Variants in ROBO2 observed in about 807,000 individuals in gnomAD.
ROBO2 encodes roundabout homolog 2.
ROBO2 carries 53 observed loss-of-function variants against 160.8 expected under a neutral mutation model. The observed-to-expected ratio is 0.33, with a 90% CI of 0.26 to 0.41. ROBO2 has a LOEUF of 0.41. Among genes scored for constraint, ROBO2 ranks in the 10% least tolerant of loss-of-function variants. ROBO2 has a pLI of 1.00. For synonymous variants in ROBO2, 664 were observed against 611.7 expected (o/e 1.09, Z -1.26); for missense variants, 1,577 against 1,722.4 (o/e 0.92, Z 1.49).
intron 16 of ROBO2, among the ~76,000 whole-genome samples, chr3:77,585,947 A>T (rs997258798): frequency 6.6e-6 from 1 of 152,090 alleles, no homozygotes; most frequent in Non-Finnish European, 1.5e-5. Flanking sequence ...ATGTATTGGC[A>T]TTTGATGTAA....
At chr3:77,521,530 A>G (rs1157347159) in intron 5 of ROBO2, among the ~76,000 whole-genome samples, 1 of 151,270 alleles carries the variant, frequency 6.6e-6, no homozygotes, top group Non-Finnish European at 1.5e-5. Context: ...AGTAGTGGAT[A>G]AGTTTTTTCC....
chr3:76,623,881 A>C (rs2089416828), intron 2 of ROBO2, among the ~76,000 whole-genome samples: 1 of 152,090 alleles, frequency 6.6e-6, no homozygotes, highest in African/African-American at 2.4e-5. Context: ...GGGTGACAAA[A>C]TTTTTGCTCT....
chr3:75,909,090 T>C (rs899736352), intron 1 of ROBO2, among the ~76,000 whole-genome samples: 4 of 152,244 alleles, frequency 2.6e-5, no homozygotes, highest in African/African-American at 9.6e-5. Context: ...AATGCTCTTA[T>C]ATTTCATATG....
chr3:76,282,531 C>T (rs929324359), intron 2 of ROBO2, among the ~76,000 whole-genome samples: 1 of 151,900 alleles, frequency 6.6e-6, no homozygotes, highest in East Asian at 1.9e-4. Flanking sequence ...AATGTAATTG[C>T]TTCATAGTTG....
At chr3:76,153,789 G>A (rs2072299148) in intron 2 of ROBO2, among the ~76,000 whole-genome samples, 1 of 152,082 alleles carries the variant, frequency 6.6e-6, no homozygotes, top group Non-Finnish European at 1.5e-5. Context: ...GAGAGATCTT[G>A]GGATTTAAGT....
intron 2 of ROBO2, among the ~76,000 whole-genome samples, chr3:76,598,752 A>G (rs1011906755): frequency 1.3e-5 from 2 of 152,142 alleles, no homozygotes; most frequent in African/African-American, 4.8e-5. Context: ...CCAGATGGGG[A>G]AAAAGCTGAG....
chr3:77,302,483 G>C (rs897679537), intron 2 of ROBO2, among the ~76,000 whole-genome samples: 3 of 152,070 alleles, frequency 2.0e-5, no homozygotes, highest in Admixed American at 2.0e-4. Flanking sequence ...GGCCATACTA[G>C]CTCAGCAAAT....
intron 2 of ROBO2, among the ~76,000 whole-genome samples, chr3:76,460,926 G>C (rs2078051024): frequency 6.6e-6 from 1 of 152,104 alleles, no homozygotes; most frequent in South Asian, 2.1e-4. Flanking sequence ...TAAATAAATA[G>C]AACTATGGAA....
chr3:76,780,203 GTTTGTTTT>G (rs1329589140), intron 2 of ROBO2, among the ~76,000 whole-genome samples: 2 of 148,636 alleles, frequency 1.3e-5, no homozygotes, highest in African/African-American at 4.9e-5. Context: ...TTTTTTGTTT[GTTTGTTTT>G]TTTTTTGGAG....
intron 2 of ROBO2, among the ~76,000 whole-genome samples, chr3:75,990,733 T>A: frequency 6.6e-6 from 1 of 152,218 alleles, no homozygotes; most frequent in East Asian, 1.9e-4. Context: ...GTTTTTGTTC[T>A]TTGTCTAGTC....
chr3:76,018,922 T>A (rs971865194), intron 2 of ROBO2, among the ~76,000 whole-genome samples: 1 of 150,350 alleles, frequency 6.7e-6, no homozygotes, highest in Admixed American at 6.6e-5. Context: ...TCTGAAGTTC[T>A]GTGCATATCT....
intron 16 of ROBO2, among the ~76,000 whole-genome samples, chr3:77,583,506 C>T (rs1234091137): frequency 6.6e-6 from 1 of 152,066 alleles, no homozygotes; most frequent in Non-Finnish European, 1.5e-5. Flanking sequence ...TGTTCTATAA[C>T]TTCCATTTGC....
intron 2 of ROBO2, among the ~76,000 whole-genome samples, chr3:76,183,757 A>G (rs1209022422): frequency 6.6e-6 from 1 of 152,152 alleles, no homozygotes; most frequent in African/African-American, 2.4e-5. Flanking sequence ...AGATATTATC[A>G]TGTTTATAAG....
At chr3:76,123,664 G>T (rs1432753163) in intron 2 of ROBO2, among the ~76,000 whole-genome samples, 1 of 152,036 alleles carries the variant, frequency 6.6e-6, no homozygotes, top group Non-Finnish European at 1.5e-5. Context: ...TGTTCCCACT[G>T]TTGCAAAACG....
intron 2 of ROBO2, among the ~76,000 whole-genome samples, chr3:77,144,774 A>G (rs1012370738): frequency 6.6e-6 from 1 of 152,142 alleles, no homozygotes; most frequent in African/African-American, 2.4e-5. Context: ...GATTTTCATC[A>G]ATTCCAAGAT....
intron 2 of ROBO2, among the ~76,000 whole-genome samples, chr3:77,438,916 T>C (rs1049880610): frequency 6.6e-6 from 1 of 152,130 alleles, no homozygotes; most frequent in Admixed American, 6.6e-5. Flanking sequence ...AGTAGTTTTT[T>C]TGAGTTAGTT....
intron 2 of ROBO2, among the ~76,000 whole-genome samples, chr3:76,813,221 C>G (rs1236233414): frequency 6.6e-6 from 1 of 151,978 alleles, no homozygotes. Context: ...AAGACATTTT[C>G]CATGTTTAAA....
At chr3:75,945,511 A>C (rs1948249998) in intron 2 of ROBO2, among the ~76,000 whole-genome samples, 1 of 152,106 alleles carries the variant, frequency 6.6e-6, no homozygotes, top group Non-Finnish European at 1.5e-5. Flanking sequence ...TAGGGACCTT[A>C]GTTTTCTTTT....
At chr3:76,911,595 T>C (rs1260823216) in intron 2 of ROBO2, among the ~76,000 whole-genome samples, 2 of 152,158 alleles carry the variant, frequency 1.3e-5, no homozygotes, top group African/African-American at 4.8e-5. Context: ...GTTCCTATAA[T>C]TAGAAAAGCA....
Sources: allele counts gnomAD v4.1 joint callset (sites outside exome capture counted in the v4.1 genomes callset), GRCh38; gene constraint gnomAD v4.1.1; transcripts MANE v1.5; gene names NCBI Gene and HGNC (gene_info 2026-07-23, HGNC 2026-07-21).